The following PPFIBP1 variants were observed in gnomAD, a reference collection of about 807,000 sequenced individuals.
PPFIBP1 encodes the protein liprin-beta-1.
A neutral mutation model predicts 137.8 loss-of-function variants in PPFIBP1; 112 were observed. The ratio of observed to expected loss-of-function variants is 0.81; its 90% confidence interval spans 0.70 to 0.95. The LOEUF is 0.95. Among genes scored for constraint, PPFIBP1 ranks in the 40% least tolerant of loss-of-function variants. The pLI, the probability that PPFIBP1 is intolerant of heterozygous loss-of-function variation, is 0.00. For synonymous variants in PPFIBP1, 378 were observed against 417.3 expected (o/e 0.91, Z 1.15); for missense variants, 1,083 against 1,196.6 (o/e 0.91, Z 1.40).
At chr12:27,582,341 G>A (rs930943893) in intron 2 of PPFIBP1, among the ~76,000 whole-genome samples, 8 of 152,020 alleles carry the variant, frequency 5.3e-5, no homozygotes, top group African/African-American at 1.7e-4. Flanking sequence ...TAAATATATA[G>A]CCTCAACAGT....
intron 11 of PPFIBP1, among the ~76,000 whole-genome samples, chr12:27,662,073 A>G (rs1439200607): frequency 1.3e-5 from 2 of 152,078 alleles, no homozygotes; most frequent in African/African-American, 4.8e-5. Flanking sequence ...AAACTGTTAG[A>G]GGGGCACCCA....
intron 4 of PPFIBP1, among the ~76,000 whole-genome samples, chr12:27,640,420 T>C (rs190896422): frequency 1.4e-4 from 22 of 152,210 alleles, no homozygotes; most frequent in African/African-American, 5.3e-4. Context: ...AATAAATGAG[T>C]GAATCACGAT....
intron 13 of PPFIBP1, among the ~76,000 whole-genome samples, chr12:27,670,543 G>A (rs2060114945): frequency 6.6e-6 from 1 of 152,154 alleles, no homozygotes; most frequent in Non-Finnish European, 1.5e-5. Flanking sequence ...TTGGGAGGCT[G>A]AGGCAGGAGG....
intron 1 of PPFIBP1, among the ~76,000 whole-genome samples, chr12:27,537,792 A>G (rs959054307): frequency 1.3e-5 from 2 of 151,758 alleles, no homozygotes; most frequent in African/African-American, 2.4e-5. Context: ...TGCCCAGTCC[A>G]TCTTGTTCTT....
In PPFIBP1 at chr12:27,672,826, G is replaced by A. The variant is rs115758073; in HGVS notation, c.1319+343G>A. On this transcript the variant is annotated intron_variant, in intron 15 of 29. Coordinates refer to ENST00000228425, the MANE Select transcript of PPFIBP1 (RefSeq NM_003622.4). The stretch of plus-strand genomic sequence containing the variant: ...GAGTCCAGTGGGAAGGCATCACAGG[G>A]AATGATGTGATGCTTGGAAAGCTGA... 5.4e-3 allele frequency among the ~76,000 whole-genome samples: 815 copies of A among 152,272 alleles called. 13 individuals carry two copies. Among genetic ancestry groups the A allele is most frequent in the African/African-American group, 0.019 (772 of 41,552 alleles).
intron 3 of PPFIBP1, among the ~76,000 whole-genome samples, chr12:27,633,768 G>A (rs2057426290): frequency 6.6e-6 from 1 of 151,242 alleles, no homozygotes; most frequent in Non-Finnish European, 1.5e-5. Flanking sequence ...TCTCTACCCA[G>A]TGAACATGAA....
chr12:27,685,752 T>A (rs1001464635), intron 24 of PPFIBP1, among the ~76,000 whole-genome samples: 5 of 152,208 alleles, frequency 3.3e-5, no homozygotes, highest in Non-Finnish European at 7.4e-5. Context: ...TACATTAATT[T>A]CTTAGTCTTG....
At chr12:27,573,983 TAAA>T (rs35501114) in intron 1 of PPFIBP1, among the ~76,000 whole-genome samples, 54 of 138,546 alleles carry the variant, frequency 3.9e-4, no homozygotes, top group Admixed American at 4.3e-4. Context: ...CCCTGTCTCT[TAAA>T]AAAAAAAAAA....
chr12:27,594,929 A>G (rs530168483), intron 2 of PPFIBP1, among the ~76,000 whole-genome samples: 2 of 152,354 alleles, frequency 1.3e-5, no homozygotes, highest in East Asian at 1.9e-4. Context: ...AAACATATAT[A>G]TGGTTACTCT....
chr12:27,612,676 TC>T (rs1477257925), intron 2 of PPFIBP1, among the ~76,000 whole-genome samples: 21 of 152,104 alleles, frequency 1.4e-4, no homozygotes, highest in African/African-American at 4.8e-4. Flanking sequence ...CTCACCCCAC[TC>T]CCTGTTCCCG....
At chr12:27,586,108 A>T (rs116543968) in intron 2 of PPFIBP1, among the ~76,000 whole-genome samples, 132 of 152,338 alleles carry the variant, frequency 8.7e-4, no homozygotes, top group African/African-American at 2.5e-3. Context: ...AATTCTTACC[A>T]CAGCCCTTTG....
At chr12:27,596,105 CACATAT>C (rs1404776106) in intron 2 of PPFIBP1, among the ~76,000 whole-genome samples, 27 of 147,462 alleles carry the variant, frequency 1.8e-4, no homozygotes, top group African/African-American at 3.3e-4. Flanking sequence ...CACACACACA[CACATAT>C]GCTTACAAAT....
chr12:27,607,498 A>AGT (rs2054637654), intron 2 of PPFIBP1, among the ~76,000 whole-genome samples: 1 of 152,196 alleles, frequency 6.6e-6, no homozygotes. Flanking sequence ...CTTAAACTTG[A>AGT]GTGCACATTA....
At chr12:27,613,572 A>C (rs2055390910) in intron 2 of PPFIBP1, among the ~76,000 whole-genome samples, 2 of 151,980 alleles carry the variant, frequency 1.3e-5, no homozygotes, top group South Asian at 4.1e-4. Flanking sequence ...GCATGGTGGC[A>C]TGCACCTGTA....
intron 26 of PPFIBP1, 133 bp from the exon 27 acceptor site, chr12:27,688,882 G>A (rs2061350151): frequency 1.3e-6 from 1 of 781,436 alleles, no homozygotes; most frequent in East Asian, 2.7e-5. Flanking sequence ...TCCATATTGT[G>A]TCTACCTCAC....
chr12:27,582,833 A>AGGTGTAATCCCTTACCAGT (rs1455199631), intron 2 of PPFIBP1, among the ~76,000 whole-genome samples: 2 of 152,226 alleles, frequency 1.3e-5, no homozygotes, highest in Non-Finnish European at 2.9e-5. Flanking sequence ...CCTTGAGCTG[A>AGGTGTAATCCCTTACCAGT]GGTGTAATCC....
chr12:27,545,928 C>T (rs1946196935), intron 1 of PPFIBP1, among the ~76,000 whole-genome samples: 1 of 152,200 alleles, frequency 6.6e-6, no homozygotes, highest in Non-Finnish European at 1.5e-5. Context: ...AACTTGATCC[C>T]CTCAGCCTCT....
At chr12:27,587,956 C>A (rs1024341691) in intron 2 of PPFIBP1, among the ~76,000 whole-genome samples, 1 of 152,200 alleles carries the variant, frequency 6.6e-6, no homozygotes, top group Admixed American at 6.5e-5. Flanking sequence ...TTTCTTTCAT[C>A]TCTTTTATGA....
intron 24 of PPFIBP1, among the ~76,000 whole-genome samples, chr12:27,684,105 T>TTTTA (rs1036348767): frequency 2.1e-5 from 3 of 144,358 alleles, no homozygotes; most frequent in East Asian, 2.1e-4. Context: ...CTTAAAATTC[T>TTTTA]TTTATTTATT....
Sources: allele counts gnomAD v4.1 joint callset (sites outside exome capture counted in the v4.1 genomes callset), GRCh38; gene constraint gnomAD v4.1.1; transcripts MANE v1.5; gene names NCBI Gene and HGNC (gene_info 2026-07-23, HGNC 2026-07-21).